Variants in HIVEP2 observed in about 807,000 individuals in gnomAD.
HIVEP2 encodes the protein transcription factor HIVEP2.
In HIVEP2, 14 loss-of-function variants were observed where a neutral mutation model predicts 180.7. The ratio of observed to expected loss-of-function variants is 0.08; its 90% CI spans 0.05 to 0.12. HIVEP2 has a LOEUF of 0.12. Among genes scored for constraint, HIVEP2 ranks in the 10% least tolerant of loss-of-function variants. The pLI is 1.00. For missense variants in HIVEP2, 2,579 were observed against 3,008.5 expected (o/e 0.86, Z 3.34); for synonymous variants, 1,184 against 1,136.4 (o/e 1.04, Z -0.84).
intron 1 of HIVEP2, among the ~76,000 whole-genome samples, chr6:142,845,475 A>G (rs1775486465): frequency 6.6e-6 from 1 of 152,140 alleles, no homozygotes; most frequent in South Asian, 2.1e-4. Context: ...TATTAGGCGT[A>G]GTCCCATTTT....
At chr6:142,768,354 A>T (rs1166588811) in intron 6 of HIVEP2, 28 bp downstream of exon 6, 1 of 1,603,676 alleles carries the variant, frequency 6.2e-7, no homozygotes, top group Admixed American at 1.7e-5. Context: ...ATAACTGCAC[A>T]TTTTACATTT....
rs137893706 is a variant in HIVEP2 at position 142,832,599 on chromosome 6, G to A, written c.-528+4336C>T. ...GATTAAGAAAGCGAATTTTTCTCTT[G>A]GCAATTCATGGGTGAGACATCAATG... On this transcript the variant is annotated intron_variant, in intron 2 of 9. Coordinates refer to ENST00000367603, the MANE Select transcript of HIVEP2 (RefSeq NM_006734.4). Among the ~76,000 whole-genome samples, 7 of 152,260 alleles carry A rather than the reference G, an allele frequency of 4.6e-5. No individual in the cohort carries two copies. The East Asian group carries it at 1.3e-3, about 29-fold the overall frequency.
Position 142,760,191 on chromosome 6 carries a change from T to C in HIVEP2, c.6097A>G (p.Ser2033Gly). ...GGTGAGAAGTCCCTGGGAGAGGAGC[T>C]TGGCTCTGAAGGTAGCATGCACTCC... ...DEECMLPSEP[S>G]SSPRDFSPSS... The change falls in exon 9 of 10, where the codon AGC (serine) becomes GGC (glycine). Residue 2033 changes from serine to glycine, a missense_variant. By Grantham distance (56) the Ser-to-Gly change is moderately conservative (BLOSUM62 0). Transcript: ENST00000367603. 6.2e-7 allele frequency: 1 copy of C among 1,614,128 alleles called. No homozygotes were observed. The highest frequency in any genetic ancestry group is 8.5e-7 in the Non-Finnish European group (1 of 1,179,982).
At chr6:142,932,549 C>G (rs961680283) in intron 1 of HIVEP2, among the ~76,000 whole-genome samples, 1 of 152,006 alleles carries the variant, frequency 6.6e-6, no homozygotes, top group Non-Finnish European at 1.5e-5. Flanking sequence ...AAAATGAAAA[C>G]AACATCCTAT....
At chr6:142,850,890 C>G (rs1266232161) in intron 1 of HIVEP2, among the ~76,000 whole-genome samples, 1 of 152,182 alleles carries the variant, frequency 6.6e-6, no homozygotes, top group African/African-American at 2.4e-5. Context: ...GACAAGAAAA[C>G]AGTCACTTTG....
rs1774952624 is a variant in HIVEP2 at position 142,752,726 on chromosome 6, T to G, written c.*381A>C. ...CCTCACATATATATTGATGCTGTTT[T>G]GCTTTACATCATTTAGATCCAAGTG... is the stretch of plus-strand genomic sequence containing the variant. On this transcript the variant is annotated 3_prime_UTR_variant, in exon 10 of 10. Coordinates refer to ENST00000367603, the MANE Select transcript of HIVEP2 (RefSeq NM_006734.4). 1 of 187,952 alleles carries G rather than the reference T, an allele frequency of 5.3e-6. No individual in the cohort carries two copies. Among genetic ancestry groups the G allele is most frequent in the African/African-American group, 2.4e-5 (1 of 42,138 alleles). The allele number at this position is 187,952 out of a possible 1,614,324, so 11.6% of individuals were successfully genotyped here. A position where few individuals can be genotyped will look rare whatever the true frequency, so the allele number is the denominator to read the frequency against.
At chr6:142,793,654 TTCTTTTTTCTTTCTTTCTTTC>T (rs1776201533) in intron 2 of HIVEP2, among the ~76,000 whole-genome samples, 1 of 62,726 alleles carries the variant, frequency 1.6e-5, no homozygotes, top group African/African-American at 5.1e-5. Context: ...CTTTCTTTCT[TTCTTTTTTCTTTCTTTCTTTC>T]TCTCTCTCTC....
At position 142,770,814 on chromosome 6, in the gene HIVEP2, G is replaced by C. The variant is rs1265647372; in HGVS notation, c.3925C>G (p.Pro1309Ala). The C allele has an allele frequency of 1.2e-6, 2 of 1,614,198 alleles. No homozygotes were observed. The highest frequency in any genetic ancestry group is 2.2e-5 in the East Asian group (1 of 44,876). The change falls in exon 5 of 10, where the codon CCC becomes GCC. Residue 1309 changes from proline to alanine, a missense_variant. Physicochemically the swap from Pro to Ala is conservative, Grantham distance 27 (BLOSUM62 -1). Transcript: ENST00000367603. The surrounding 1 kb of genome is among the most constrained non-coding windows in gnomAD (Gnocchi z 4.7). ...TCTTCTTGAAGAACCTGCTCAGAGG[G>C]CGTTTCAGTTGACTTACTGCTCTGG... is the stretch of plus-strand genomic sequence containing the variant. Reference protein sequence around the residue: ...SDQSSKSTETPSEQVLQEDFA... With the variant: ...SDQSSKSTETASEQVLQEDFA...
chr6:142,769,718 C>A lies in HIVEP2; in HGVS notation c.5021G>T (p.Cys1674Phe). The change falls in exon 5 of 10, where the codon TGC becomes TTC. Residue 1674 changes from cysteine (C) to phenylalanine (F), a missense_variant. By Grantham distance (205) the Cys-to-Phe change is radical. Transcript: ENST00000367603. ...TFKSSVYASW[C>F]ISSCNPNPSG... ...TGGGTTTGGATTACAGGAACTAATG[C>A]ACCATGAAGCATAAACCGAGGATTT... 1 of 1,614,204 alleles carries A rather than the reference C, an allele frequency of 6.2e-7. No homozygotes were observed. The highest frequency in any genetic ancestry group is 1.1e-5 in the South Asian group (1 of 91,082).
chr6:142,871,765 C>T (rs896807972), intron 1 of HIVEP2, among the ~76,000 whole-genome samples: 1 of 152,106 alleles, frequency 6.6e-6, no homozygotes, highest in Non-Finnish European at 1.5e-5. Context: ...TGCCTATCCC[C>T]TCCAGGCTTA....
intron 6 of HIVEP2, 33 bp downstream of exon 6, chr6:142,768,349 T>G: frequency 6.3e-7 from 1 of 1,599,716 alleles, no homozygotes; most frequent in Non-Finnish European, 8.5e-7. Flanking sequence ...GACCTATAAC[T>G]GCACATTTTA....
intron 1 of HIVEP2, among the ~76,000 whole-genome samples, chr6:142,840,916 A>G (rs894155390): frequency 3.3e-5 from 5 of 152,192 alleles, no homozygotes; most frequent in Admixed American, 1.3e-4. Flanking sequence ...TGTAATTAAA[A>G]TTTCTTTTCA....
At position 142,780,795 on chromosome 6, in the gene HIVEP2, A is replaced by G. The variant is rs187040774; in HGVS notation, c.-433+2726T>C. ...ACTCATGTTATACTGAGGAAAATAA[A>G]TTCACTTTAAAAACAATAGGGTTTT... On this transcript the variant is annotated intron_variant, in intron 3 of 9. Transcript: ENST00000367603. Among the ~76,000 whole-genome samples the G allele has an allele frequency of 7.2e-5, 11 of 152,286 alleles. No individual in the cohort carries two copies. The East Asian group carries it at 2.1e-3, about 29-fold the overall frequency.
intron 1 of HIVEP2, among the ~76,000 whole-genome samples, chr6:142,910,491 A>T (rs956836791): frequency 6.6e-6 from 1 of 152,234 alleles, no homozygotes; most frequent in Non-Finnish European, 1.5e-5. Context: ...AGTCCCAGCT[A>T]TATGAGAGGC....
chr6:142,768,939 T>G (rs1775447467), intron 5 of HIVEP2, among the ~76,000 whole-genome samples: 1 of 152,180 alleles, frequency 6.6e-6, no homozygotes, highest in Non-Finnish European at 1.5e-5. Context: ...AAACATATTT[T>G]TAAATCCTCT....
chr6:142,930,034 C>T lies in HIVEP2; in HGVS notation c.-641+15065G>A, dbSNP rs190952612. Among the ~76,000 whole-genome samples the T allele has an allele frequency of 3.7e-4, 57 of 152,226 alleles. No homozygotes were observed. In the East Asian group the frequency reaches 4.8e-3, roughly 13 times the overall value. ...CCTTCTCAAATGAGCTTTCACCAGTCATTTGTTGTTTTTCCAGAAAACTGA... is the reference window on the plus strand; with the variant it reads ...CCTTCTCAAATGAGCTTTCACCAGTTATTTGTTGTTTTTCCAGAAAACTGA... On this transcript the variant is annotated intron_variant, in intron 1 of 9. Transcript: ENST00000367603.
intron 1 of HIVEP2, among the ~76,000 whole-genome samples, chr6:142,902,770 A>G (rs1488076927): frequency 6.6e-6 from 1 of 152,222 alleles, no homozygotes; most frequent in Non-Finnish European, 1.5e-5. Flanking sequence ...CACAATGCTG[A>G]TACTACAATG....
chr6:142,764,018 G>T (rs1434802819), intron 7 of HIVEP2, among the ~76,000 whole-genome samples: 3 of 152,210 alleles, frequency 2.0e-5, no homozygotes, highest in East Asian at 3.9e-4. Flanking sequence ...TGTTGAGGGG[G>T]TGCCTATAGT....
chr6:142,762,098 G>A (rs1657123014), intron 7 of HIVEP2, among the ~76,000 whole-genome samples: 1 of 152,138 alleles, frequency 6.6e-6, no homozygotes, highest in Admixed American at 6.6e-5. Flanking sequence ...GGCCAACCTT[G>A]TCAGTGCTCT....
Sources: allele counts gnomAD v4.1 joint callset (sites outside exome capture counted in the v4.1 genomes callset), GRCh38; gene constraint gnomAD v4.1.1; non-coding constraint Gnocchi (gnomAD v3.1); transcripts MANE v1.5; gene names NCBI Gene and HGNC (gene_info 2026-07-23, HGNC 2026-07-21).